Variants in PTPRN2 observed in about 807,000 individuals in gnomAD.
PTPRN2 encodes the protein protein tyrosine phosphatase receptor type N2.
In PTPRN2, 74 loss-of-function variants were observed where a neutral mutation model predicts 118.8. The ratio of observed to expected loss-of-function variants is 0.62; its 90% CI spans 0.52 to 0.76. The LOEUF is 0.76. Among genes scored for constraint, PTPRN2 ranks in the 30% least tolerant of loss-of-function variants. The pLI is 0.00. For synonymous variants in PTPRN2, 641 were observed against 608.0 expected, an observed-to-expected ratio of 1.05 and a Z score of -0.80; for missense variants, 1,481 against 1,394.4, an observed-to-expected ratio of 1.06 and a Z score of -0.99.
intron 5 of PTPRN2, among the ~76,000 whole-genome samples, chr7:158,171,238 TACACATATATACACACATATATATAC>T (rs1563555164): frequency 1.3e-4 from 8 of 63,946 alleles, no homozygotes; most frequent in African/African-American, 3.9e-4. Context: ...CACATATATA[TACACATATATACACACATATATATAC>T]ACACATATAT....
chr7:157,848,962 G>T (rs967317448), intron 12 of PTPRN2, among the ~76,000 whole-genome samples: 5 of 152,200 alleles, frequency 3.3e-5, no homozygotes, highest in Admixed American at 6.5e-5. Context: ...CATATGTCAG[G>T]CTCTCACTGC....
chr7:158,330,080 ACACC>A (rs1804067554), intron 2 of PTPRN2, among the ~76,000 whole-genome samples: 1 of 144,852 alleles, frequency 6.9e-6, no homozygotes. Flanking sequence ...ATAAGAGCTG[ACACC>A]TGCAGACGTC....
At chr7:158,118,929 C>G (rs1297515290) in intron 9 of PTPRN2, among the ~76,000 whole-genome samples, 1 of 152,124 alleles carries the variant, frequency 6.6e-6, no homozygotes, top group African/African-American at 2.4e-5. Context: ...TCTCAAGCTC[C>G]TGGGCTCAAG....
intron 3 of PTPRN2, among the ~76,000 whole-genome samples, chr7:158,265,705 C>A (rs1434593135): frequency 6.6e-6 from 1 of 152,230 alleles, no homozygotes; most frequent in East Asian, 1.9e-4. Flanking sequence ...GCCCCGGGTA[C>A]ACAGCGTGGC....
At chr7:158,452,651 G>A (rs1276068098) in intron 2 of PTPRN2, among the ~76,000 whole-genome samples, 1 of 152,364 alleles carries the variant, frequency 6.6e-6, no homozygotes, top group Admixed American at 6.5e-5. Flanking sequence ...GGCTTGGGGG[G>A]CTCGATAAGA....
rs376017645 is a variant in PTPRN2, at chr7:157,978,453, T to A, written c.1724-79716A>T. Among the ~76,000 whole-genome samples the A allele has an allele frequency of 8.5e-5, 13 of 152,188 alleles. No individual in the cohort carries two copies. The East Asian group carries it at 9.6e-4, about 11-fold the overall frequency. On this transcript the variant is annotated intron_variant, in intron 11 of 22. Transcript: ENST00000389418. ...TTCGGGAAATTGTTTAGCAATGCTC[T>A]GAGTCTTTTACTCTTTTGAAAGCTT... is the stretch of plus-strand genomic sequence containing the variant.
At chr7:158,166,787 A>T in intron 6 of PTPRN2, 144 bp downstream of exon 6, 12 of 1,115,774 alleles carry the variant, frequency 1.1e-5, no homozygotes, top group Non-Finnish European at 1.4e-5. Flanking sequence ...CCTTCCCTAC[A>T]TGGTGCCCCA....
In PTPRN2 at chr7:158,419,748, C is replaced by T. The variant is rs140686619; in HGVS notation, c.163+69987G>A. ...CCACTCAGGGATTTCTAAGATCACA[C>T]GTGATGTCTGACCGGACTCAGAAGC... On this transcript the variant is annotated intron_variant, in intron 2 of 22. Transcript: ENST00000389418. Among the ~76,000 whole-genome samples the T allele has an allele frequency of 5.3e-3, 805 of 152,268 alleles. 3 individuals are homozygous for T. The highest frequency in any genetic ancestry group is 0.021 in the Middle Eastern group (6 of 292).
intron 12 of PTPRN2, among the ~76,000 whole-genome samples, chr7:157,723,227 C>A (rs1324284841): frequency 6.6e-6 from 1 of 152,210 alleles, no homozygotes; most frequent in Non-Finnish European, 1.5e-5. Context: ...TGTCCCCTTG[C>A]CCTGACGCCT....
chr7:157,640,046 T>A (rs1804579024), intron 14 of PTPRN2, among the ~76,000 whole-genome samples: 1 of 152,208 alleles, frequency 6.6e-6, no homozygotes, highest in African/African-American at 2.4e-5. Context: ...GAGGAGCTTA[T>A]AATCTGGAAT....
chr7:158,342,294 ACCCGCAGACG>A (rs1807032319), intron 2 of PTPRN2, among the ~76,000 whole-genome samples: 13 of 68,898 alleles, frequency 1.9e-4, no homozygotes, highest in African/African-American at 7.1e-4. Flanking sequence ...TAGAGCTGAC[ACCCGCAGACG>A]TCACTCACAC....
chr7:158,328,108 C>T (rs554051455), intron 2 of PTPRN2, among the ~76,000 whole-genome samples: 1 of 152,294 alleles, frequency 6.6e-6, no homozygotes, highest in African/African-American at 2.4e-5. Flanking sequence ...TGTAAAAGTG[C>T]TCCCATTCTG....
At chr7:157,973,919 G>A (rs951968047) in intron 11 of PTPRN2, among the ~76,000 whole-genome samples, 1 of 152,188 alleles carries the variant, frequency 6.6e-6, no homozygotes, top group East Asian at 1.9e-4. Context: ...CCTTCTGTTG[G>A]GGGGACTGGA....
rs1369633228 is a variant in PTPRN2 at position 158,093,613 on chromosome 7, A to G, written c.1644-12236T>C. ...CTGGCTGCTACAGAATTCTCTTTGC[A>G]TGCCTCATTCCAGCTATGTCTTCTT... On this transcript the variant is annotated intron_variant, in intron 10 of 22. Coordinates refer to ENST00000389418, the MANE Select transcript of PTPRN2 (RefSeq NM_002847.5). This position sits in a 1 kb window ranked among gnomAD's most constrained non-coding sequence, Gnocchi z 4.4. 6.6e-6 allele frequency among the ~76,000 whole-genome samples: 1 copy of G among 152,220 alleles called. No individual in the cohort carries two copies. Among genetic ancestry groups the G allele is most frequent in the Admixed American group, 6.5e-5 (1 of 15,278 alleles).
At chr7:157,659,351 GGGGGGGGACGACTGTGGGGAA>G (rs1470018985) in intron 13 of PTPRN2, among the ~76,000 whole-genome samples, 1 of 86,142 alleles carries the variant, frequency 1.2e-5, no homozygotes, top group East Asian at 4.2e-4. Flanking sequence ...CTGCGGGGAT[GGGGGGGGACGACTGTGGGGAA>G]GGGGGGGACG....
At chr7:158,502,519 C>T (rs527878167) in intron 1 of PTPRN2, among the ~76,000 whole-genome samples, 41 of 152,308 alleles carry the variant, frequency 2.7e-4, no homozygotes, top group African/African-American at 9.4e-4. Context: ...TCCATGGCCA[C>T]CAGCCCCACC....
chr7:157,666,397 T>C (rs1277407929), intron 13 of PTPRN2, among the ~76,000 whole-genome samples: 4 of 152,064 alleles, frequency 2.6e-5, no homozygotes, highest in South Asian at 4.2e-4. Flanking sequence ...TTTGCAATAA[T>C]GGAAAAAGGG....
At chr7:158,550,030 G>C (rs1036212121) in intron 1 of PTPRN2, among the ~76,000 whole-genome samples, 8 of 152,292 alleles carry the variant, frequency 5.3e-5, no homozygotes, top group Admixed American at 3.3e-4. Flanking sequence ...GGGAGAGGTC[G>C]GCGTCAGGAA....
At chr7:158,144,035 G>A (rs960429654) in intron 6 of PTPRN2, among the ~76,000 whole-genome samples, 4 of 152,176 alleles carry the variant, frequency 2.6e-5, no homozygotes, top group Admixed American at 1.3e-4. Flanking sequence ...TCCGTGCGGG[G>A]ACAAGTTTGG....
Sources: allele counts gnomAD v4.1 joint callset (sites outside exome capture counted in the v4.1 genomes callset), GRCh38; gene constraint gnomAD v4.1.1; non-coding constraint Gnocchi (gnomAD v3.1); transcripts MANE v1.5; gene names NCBI Gene and HGNC (gene_info 2026-07-23, HGNC 2026-07-21).